The following MYO1F variants were observed in gnomAD, a reference collection of about 807,000 sequenced individuals.
The protein encoded by MYO1F is unconventional myosin-If.
MYO1F carries 60 observed loss-of-function variants against 146.6 expected under a neutral mutation model. The ratio of observed to expected loss-of-function variants is 0.41; its 90% CI spans 0.33 to 0.51. The LOEUF (loss-of-function observed/expected upper bound fraction) is 0.51. Ranked by LOEUF, MYO1F falls within the 20% of genes least tolerant of loss-of-function variation. MYO1F has a pLI of 0.25. For synonymous variants in MYO1F, 602 were observed against 602.1 expected (o/e 1.00, Z 0.00); for missense variants, 1,274 against 1,534.3 (o/e 0.83, Z 2.83).
rs200043019 is a variant in MYO1F, at chr19:8,551,844, G to C, written c.667C>G (p.Gln223Glu). ...LLEGASQEQR[Q>E]NLGLMTPDYY... ...TCCGGTGTCATGAGGCCCAGGTTCT[G>C]CCTTTGCTCCTGGGAGGCCCCTTCC... is the stretch of plus-strand genomic sequence containing the variant. Residue 223 changes from glutamine to glutamate, a missense_variant, in exon 8 of 28, where the codon CAG (glutamine) becomes GAG (glutamate). By Grantham distance (29) the Gln-to-Glu change is conservative. Coordinates refer to ENST00000644032, the MANE Select transcript of MYO1F (RefSeq NM_012335.4). The C allele has an allele frequency of 3.4e-4, 547 of 1,614,126 alleles. 1 individual carries two copies. The African/African-American group carries it at 6.6e-3, about 20-fold the overall frequency.
chr19:8,536,583 AC>A lies in MYO1F; in HGVS notation c.1813del (p.Val605TrpfsTer6). 2.1e-6 allele frequency: 3 copies of A among 1,447,962 alleles called. No homozygotes were observed. Among genetic ancestry groups the A allele is most frequent in the Non-Finnish European group, 2.8e-6 (3 of 1,084,148 alleles). 89.7% of individuals were successfully genotyped at this position (1,447,962 alleles called of 1,614,324 possible). On this transcript the variant is annotated frameshift_variant, in exon 18 of 28. Coordinates refer to ENST00000644032, the MANE Select transcript of MYO1F (RefSeq NM_012335.4). LOFTEE classifies it high-confidence loss of function. ...GTTCTCCTTCAGGCCCAGGTATTCC[AC>A]CTGGTGCTTGACTCTGGTGGGGAGG... ...DWEENRVKHQVEYLGLKENIR... is the reference protein window; with the variant it reads ...DWEENRVKHQXEYLGLKENIR...
In MYO1F at chr19:8,552,300, T is replaced by C; in HGVS notation, c.505-136A>G. The C allele has an allele frequency of 3.0e-6, 3 of 987,858 alleles. No homozygotes were observed. In the South Asian group the frequency reaches 4.1e-5, roughly 14 times the overall value. The allele number at this position is 987,858 out of a possible 1,614,324, so 61.2% of individuals were successfully genotyped here. A position where few individuals can be genotyped will look rare whatever the true frequency, so the allele number is the denominator to read the frequency against. On this transcript the variant is annotated intron_variant, in intron 6 of 27. Coordinates refer to ENST00000644032, the MANE Select transcript of MYO1F (RefSeq NM_012335.4). ...TTGAGACAGAATCTGACTCTGTTGC[T>C]CAGGCTGGGATTCAGTGGCGCAATG...
intron 16 of MYO1F, among the ~76,000 whole-genome samples, chr19:8,537,607 A>G (rs1481514650): frequency 6.6e-6 from 1 of 151,680 alleles, no homozygotes; most frequent in Non-Finnish European, 1.5e-5. Flanking sequence ...ACACCCGGAT[A>G]ATTTTTAGTA....
intron 1 of MYO1F, among the ~76,000 whole-genome samples, chr19:8,570,795 G>A (rs1680383193): frequency 2.0e-5 from 3 of 151,998 alleles, no homozygotes; most frequent in Admixed American, 6.6e-5. Context: ...GGTGCAAGCC[G>A]CTGTGCCCGG....
At chr19:8,571,696 C>T (rs1240003061) in intron 1 of MYO1F, among the ~76,000 whole-genome samples, 1 of 152,106 alleles carries the variant, frequency 6.6e-6, no homozygotes, top group Non-Finnish European at 1.5e-5. Context: ...CTCCCGAGTT[C>T]ACGCCATTCT....
In MYO1F at chr19:8,526,533, C is replaced by T; in HGVS notation, c.2690G>A (p.Gly897Asp). Residue 897 changes from glycine to aspartate, a missense_variant, in exon 24 of 28, where the codon GGC becomes GAC. Transcript: ENST00000644032. ...CTTGAGCACTGCCAAGTCGCCGAAG[C>T]CGCGGGAGAAGGTGACGCTGCGGGT... is the stretch of plus-strand genomic sequence containing the variant. ...GGTRSVTFSR[G>D]FGDLAVLKVG... 3 of 1,591,348 alleles carry T rather than the reference C, an allele frequency of 1.9e-6. No homozygotes were observed. Among genetic ancestry groups the T allele is most frequent in the Non-Finnish European group, 2.6e-6 (3 of 1,171,042 alleles).
At chr19:8,522,913 G>C in intron 25 of MYO1F, 84 bp from the exon 26 acceptor site, 1 of 1,243,650 alleles carries the variant, frequency 8.0e-7, no homozygotes. Context: ...TTCTCAGGCT[G>C]AGGGAGGAGA....
intron 25 of MYO1F, among the ~76,000 whole-genome samples, chr19:8,524,400 G>T (rs376545261): frequency 5.6e-5 from 8 of 142,518 alleles, no homozygotes; most frequent in Admixed American, 2.1e-4. Flanking sequence ...CTGGGCAACA[G>T]GGCTAGACTC....
intron 1 of MYO1F, among the ~76,000 whole-genome samples, chr19:8,574,761 T>C (rs2042204845): frequency 1.3e-5 from 2 of 150,872 alleles, no homozygotes; most frequent in Non-Finnish European, 2.9e-5. Context: ...CTCTCTCTCT[T>C]TCTTTTTTTT....
Position 8,545,801 on chromosome 19 carries a change from G to A in MYO1F, c.1270-65C>T, listed in dbSNP as rs1973324247. ...AAGTTGTGGCCACCCTTCCCCCCATGTCCTCTCCCCTTCTCCATCTCATCA... is the reference window on the plus strand; with the variant it reads ...AAGTTGTGGCCACCCTTCCCCCCATATCCTCTCCCCTTCTCCATCTCATCA... On this transcript the variant is annotated intron_variant, in intron 12 of 27. Coordinates refer to ENST00000644032, the MANE Select transcript of MYO1F (RefSeq NM_012335.4). 2.7e-5 allele frequency: 30 copies of A among 1,115,398 alleles called. 2 individuals carry two copies. In the South Asian group the frequency reaches 3.6e-4, roughly 13 times the overall value. 69.1% of individuals were successfully genotyped at this position (1,115,398 alleles called of 1,614,324 possible). A position where few individuals can be genotyped will look rare whatever the true frequency, so the allele number is the denominator to read the frequency against.
intron 1 of MYO1F, among the ~76,000 whole-genome samples, chr19:8,569,837 G>A (rs988234095): frequency 2.0e-5 from 3 of 152,160 alleles, no homozygotes; most frequent in Non-Finnish European, 4.4e-5. Context: ...GGGATAGACA[G>A]CCCAGGCCAT....
chr19:8,522,265 G>C, intron 27 of MYO1F, 112 bp downstream of exon 27: 7 of 1,337,016 alleles, frequency 5.2e-6, no homozygotes, highest in Non-Finnish European at 7.4e-6. Flanking sequence ...CTCGTGATCT[G>C]CCCGCCTTGG....
intron 16 of MYO1F, among the ~76,000 whole-genome samples, chr19:8,539,204 C>T (rs759082844): frequency 1.8e-4 from 28 of 152,084 alleles, no homozygotes; most frequent in Middle Eastern, 6.8e-3. Flanking sequence ...CACCTGAGGT[C>T]GGGAGTTCGA....
chr19:8,545,333 C>T (rs1285094964), intron 13 of MYO1F: 1 of 362,164 alleles, frequency 2.8e-6, no homozygotes. Flanking sequence ...AGGTGATCCG[C>T]CCACCTTGGC....
chr19:8,522,270 C>T, intron 27 of MYO1F, 107 bp downstream of exon 27: 2 of 1,421,810 alleles, frequency 1.4e-6, no homozygotes, highest in Non-Finnish European at 2.0e-6. Flanking sequence ...GATCTGCCCG[C>T]CTTGGCCTCC....
Position 8,539,976 on chromosome 19 carries a change from G to T in MYO1F, c.1663C>A (p.Arg555Ser). Residue 555 changes from arginine (R) to serine (S), a missense_variant, in exon 16 of 28, where the codon CGC (arginine) becomes AGC (serine). Physicochemically the swap from Arg to Ser is moderately radical, Grantham distance 110 (BLOSUM62 -1). Transcript: ENST00000644032. ...ATCTTGGAGCCGGCGGTGCTGGGGC[G>T]CCCCTTCTTGTCTCCATCCAGCTTC... ...PEKLDGDKKG[R>S]PSTAGSKIKK... 1 of 1,612,224 alleles carries T rather than the reference G, an allele frequency of 6.2e-7. No homozygotes were observed. The highest frequency in any genetic ancestry group is 8.5e-7 in the Non-Finnish European group (1 of 1,179,034).
intron 1 of MYO1F, among the ~76,000 whole-genome samples, chr19:8,575,984 G>T (rs1333410379): frequency 5.3e-5 from 8 of 152,116 alleles, no homozygotes; most frequent in African/African-American, 1.9e-4. Flanking sequence ...TGAATTCCGG[G>T]ATGCCCAATT....
In MYO1F at chr19:8,550,711, G is replaced by A. The variant is rs1214805707; in HGVS notation, c.772-17C>T. ...CATAGCACTCTGTGGTACAACGGGG[G>A]CAGAAACTGTGCCGTGAATCCTGGC... On this transcript the variant is annotated splice_polypyrimidine_tract_variant and intron_variant, in intron 8 of 27. Transcript: ENST00000644032. 6 of 1,613,616 alleles carry A rather than the reference G, an allele frequency of 3.7e-6. No homozygotes were observed. The African/African-American group carries it at 5.3e-5, about 14-fold the overall frequency.
intron 1 of MYO1F, among the ~76,000 whole-genome samples, chr19:8,560,441 C>T (rs1439281749): frequency 1.3e-5 from 2 of 150,372 alleles, no homozygotes; most frequent in African/African-American, 2.4e-5. Flanking sequence ...GCCGAGATTG[C>T]ACCATTGCAC....
Sources: gnomAD v4.1 joint callset for allele counts (sites outside exome capture counted in the v4.1 genomes callset) on GRCh38, gnomAD v4.1.1 for gene constraint, MANE v1.5 for transcripts, NCBI Gene and HGNC (gene_info 2026-07-23, HGNC 2026-07-21) for gene names.